Variants in SPTB observed in about 807,000 individuals in gnomAD.
SPTB encodes spectrin beta chain, erythrocytic.
SPTB carries 45 observed loss-of-function variants against 256.2 expected under a neutral mutation model. That is an observed-to-expected ratio of 0.18 (90% CI 0.14 to 0.23). SPTB has a LOEUF of 0.23. Ranked by LOEUF, SPTB falls within the 10% of genes least tolerant of loss-of-function variation. SPTB has a pLI of 1.00. For missense variants in SPTB, 2,715 were observed against 3,040.4 expected (o/e 0.89, Z 2.52); for synonymous variants, 1,231 against 1,243.1 (o/e 0.99, Z 0.21).
At chr14:64,843,578 C>T (rs142041455) in intron 1 of SPTB, among the ~76,000 whole-genome samples, 1 of 152,278 alleles carries the variant, frequency 6.6e-6, no homozygotes, top group African/African-American at 2.4e-5. Context: ...CCCTTAGTCT[C>T]CGGTAGTAGG....
In SPTB at chr14:64,749,688, T is replaced by G. The variant is rs752647946; in HGVS notation, c.6785A>C (p.Asn2262Thr). 1.9e-6 allele frequency: 3 copies of G among 1,613,794 alleles called. No individual in the cohort carries two copies. In the East Asian group the frequency reaches 6.7e-5, roughly 36 times the overall value. Residue 2262 changes from asparagine (N) to threonine (T), a missense_variant, in exon 35 of 36, where the codon AAT becomes ACT. This residue lies in a region of SPTB where 2,239 missense variants were observed against 2,384.4 expected (regional missense o/e 0.94). Coordinates refer to ENST00000644917, the MANE Select transcript of SPTB (RefSeq NM_001355436.2). This position sits in a 1 kb window ranked among gnomAD's most constrained non-coding sequence, Gnocchi z 4.7. ...KKHVFKLRLS[N>T]GSEWLFHGKD... ...GCCATGGAAGAGCCACTCGCTGCCA[T>G]TACTCAGCCTAGGAGGACAAAGGGT...
At chr14:64,822,625 C>T (rs1015727302) in intron 2 of SPTB, among the ~76,000 whole-genome samples, 3 of 152,076 alleles carry the variant, frequency 2.0e-5, no homozygotes, top group African/African-American at 4.8e-5. Context: ...AACCTGCGCC[C>T]GGCTGTCCAG....
chr14:64,872,976 T>G (rs946174950), intron 1 of SPTB, among the ~76,000 whole-genome samples: 1 of 152,314 alleles, frequency 6.6e-6, no homozygotes. Flanking sequence ...TATAAATTAC[T>G]CAGTCTCTGG....
Position 64,793,647 on chromosome 14 carries a change from C to T in SPTB, c.2016G>A (p.Val672=), listed in dbSNP as rs1452547686. Residue 672 remains valine (V), a synonymous_variant, in exon 14 of 36, where the codon GTG becomes GTA. Coordinates refer to ENST00000644917, the MANE Select transcript of SPTB (RefSeq NM_001355436.2). This position sits in a 1 kb window ranked among gnomAD's most constrained non-coding sequence, Gnocchi z 7.0. ...CCTTGTGCTTGCGCTGTAAGATGAG[C>T]ACACTGGTCAGGTCTTTGCCATAGT... is the stretch of plus-strand genomic sequence containing the variant. ...SLDYGKDLTS[V]LILQRKHKAF... 2 of 1,614,198 alleles carry T rather than the reference C, an allele frequency of 1.2e-6. No homozygotes were observed. Among genetic ancestry groups the T allele is most frequent in the African/African-American group, 1.3e-5 (1 of 75,066 alleles).
Position 64,782,526 on chromosome 14 carries a change from G to T in SPTB, c.4030C>A (p.Pro1344Thr). 6.2e-7 allele frequency: 1 copy of T among 1,614,014 alleles called. No individual in the cohort carries two copies. Among genetic ancestry groups the T allele is most frequent in the Non-Finnish European group, 8.5e-7 (1 of 1,180,036 alleles). The change falls in exon 20 of 36, where the codon CCC becomes ACC. Residue 1344 changes from proline to threonine, a missense_variant. This residue lies in a region of SPTB where 2,239 missense variants were observed against 2,384.4 expected (regional missense o/e 0.94). Coordinates refer to ENST00000644917, the MANE Select transcript of SPTB (RefSeq NM_001355436.2). ...AEGKQLMDEK[P>T]QFTALVSQKL... ...TGGGACACCAGGGCTGTAAACTGGGGCTTCTCATCCATCAGCTGCTTTCCT... is the reference window on the plus strand; with the variant it reads ...TGGGACACCAGGGCTGTAAACTGGGTCTTCTCATCCATCAGCTGCTTTCCT...
intron 2 of SPTB, among the ~76,000 whole-genome samples, chr14:64,811,294 T>C (rs990952097): frequency 6.6e-6 from 1 of 152,190 alleles, no homozygotes; most frequent in African/African-American, 2.4e-5. Flanking sequence ...TAAGCATCTC[T>C]TAAATGTATA....
chr14:64,784,272 T>C lies in SPTB; in HGVS notation c.3977A>G (p.Glu1326Gly). 1 of 1,614,246 alleles carries C rather than the reference T, an allele frequency of 6.2e-7. No homozygotes were observed. Among genetic ancestry groups the C allele is most frequent in the Non-Finnish European group, 8.5e-7 (1 of 1,180,052 alleles). ...QAFVAELASHEGWLENIDAEG... is the reference protein window; with the variant it reads ...QAFVAELASHGGWLENIDAEG... ...CGCATCGATGTTCTCTAGCCACCCTTCATGGGAAGCCAGCTCTGCCACAAA... is the reference window on the plus strand; with the variant it reads ...CGCATCGATGTTCTCTAGCCACCCTCCATGGGAAGCCAGCTCTGCCACAAA... Residue 1326 changes from glutamate to glycine, a missense_variant, in exon 19 of 36, where the codon GAA (glutamate) becomes GGA (glycine). By Grantham distance (98) the Glu-to-Gly change is moderately conservative (BLOSUM62 -2). This residue lies in a region of SPTB where 2,239 missense variants were observed against 2,384.4 expected (regional missense o/e 0.94). Coordinates refer to ENST00000644917, the MANE Select transcript of SPTB (RefSeq NM_001355436.2).
At position 64,840,735 on chromosome 14, in the gene SPTB, T is replaced by C. The variant is rs1432340488; in HGVS notation, c.-51-17590A>G. Among the ~76,000 whole-genome samples, 3 of 152,156 alleles carry C rather than the reference T, an allele frequency of 2.0e-5. No individual in the cohort carries two copies. The East Asian group carries it at 5.8e-4, about 29-fold the overall frequency. The stretch of plus-strand genomic sequence containing the variant: ...ACACACTTACTGAGCTCCTTACTTC[T>C]GGAGTCTGTCAATGTGATCAACACT... On this transcript the variant is annotated intron_variant, in intron 1 of 35. Transcript: ENST00000644917.
chr14:64,795,975 G>A lies in SPTB; in HGVS notation c.1342-336C>T, dbSNP rs1246355825. 6.6e-6 allele frequency among the ~76,000 whole-genome samples: 1 copy of A among 152,096 alleles called. No individual in the cohort carries two copies. Among genetic ancestry groups the A allele is most frequent in the Non-Finnish European group, 1.5e-5 (1 of 68,008 alleles). The stretch of plus-strand genomic sequence containing the variant: ...ACCTGTTGGATTTGGGGCAGGAAGG[G>A]GCTGCTTCTCACTCGGAAACCCATG... On this transcript the variant is annotated intron_variant, in intron 11 of 35. Transcript: ENST00000644917. The surrounding 1 kb of genome is among the most constrained non-coding windows in gnomAD (Gnocchi z 6.5).
rs765506008 is a variant in SPTB at position 64,793,670 on chromosome 14, A to G, written c.1993T>C (p.Tyr665His). ...EKEQIYSSLD[Y>H]GKDLTSVLIL... The stretch of plus-strand genomic sequence containing the variant: ...AGCACACTGGTCAGGTCTTTGCCAT[A>G]GTCCAGGGAAGAATAGATCTGCTCC... Residue 665 changes from tyrosine (Y) to histidine (H), a missense_variant, in exon 14 of 36, where the codon TAT (tyrosine) becomes CAT (histidine). Physicochemically the swap from Tyr to His is moderately conservative, Grantham distance 83 (BLOSUM62 2). This residue lies in a region of SPTB where 2,239 missense variants were observed against 2,384.4 expected (regional missense o/e 0.94). Coordinates refer to ENST00000644917, the MANE Select transcript of SPTB (RefSeq NM_001355436.2). The surrounding 1 kb of genome is among the most constrained non-coding windows in gnomAD (Gnocchi z 7.0). 9 of 1,614,046 alleles carry G rather than the reference A, an allele frequency of 5.6e-6. No homozygotes were observed. The highest frequency in any genetic ancestry group is 7.6e-6 in the Non-Finnish European group (9 of 1,180,054).
intron 1 of SPTB, among the ~76,000 whole-genome samples, chr14:64,843,229 A>T (rs747767359): frequency 6.6e-5 from 10 of 152,198 alleles, no homozygotes; most frequent in Non-Finnish European, 1.0e-4. Context: ...AATAGCCTAT[A>T]TTTTGTGCTT....
chr14:64,786,052 T>C lies in SPTB; in HGVS notation c.3562-101A>G. On this transcript the variant is annotated intron_variant, in intron 16 of 35. Transcript: ENST00000644917. The surrounding 1 kb of genome is among the most constrained non-coding windows in gnomAD (Gnocchi z 5.6). Reference sequence around the variant, plus strand: ...CCACGTGCAGCCACACAGGCCACGGTATGAATGAGCCCCCTAGAGTAGTAC... The same window carrying C: ...CCACGTGCAGCCACACAGGCCACGGCATGAATGAGCCCCCTAGAGTAGTAC... 1.7e-6 allele frequency: 2 copies of C among 1,206,486 alleles called. No individual in the cohort carries two copies. Among genetic ancestry groups the C allele is most frequent in the Non-Finnish European group, 2.4e-6 (2 of 823,894 alleles). 74.7% of individuals were successfully genotyped at this position (1,206,486 alleles called of 1,614,324 possible). A position where few individuals can be genotyped will look rare whatever the true frequency, so the allele number is the denominator to read the frequency against.
At chr14:64,818,037 T>C (rs1009350343) in intron 2 of SPTB, among the ~76,000 whole-genome samples, 4 of 152,174 alleles carry the variant, frequency 2.6e-5, no homozygotes, top group Non-Finnish European at 2.9e-5. Context: ...CAGCCTCATC[T>C]CACTTCCAGA....
At chr14:64,804,274 T>G (rs1464255018) in intron 3 of SPTB, among the ~76,000 whole-genome samples, 1 of 152,154 alleles carries the variant, frequency 6.6e-6, no homozygotes, top group Non-Finnish European at 1.5e-5. Flanking sequence ...CAATGCAGGG[T>G]GAGAGGCAGA....
chr14:64,798,168 G>A (rs575917589), intron 9 of SPTB, among the ~76,000 whole-genome samples: 1 of 152,222 alleles, frequency 6.6e-6, no homozygotes, highest in South Asian at 2.1e-4. Context: ...CAAGTTGTAC[G>A]GATCAATACA....
At chr14:64,875,778 G>C (rs1020221043) in intron 1 of SPTB, among the ~76,000 whole-genome samples, 1 of 152,164 alleles carries the variant, frequency 6.6e-6, no homozygotes, top group African/African-American at 2.4e-5. Context: ...TCAGAACCCA[G>C]TATCCATGAA....
chr14:64,868,677 C>G (rs1882339324), intron 1 of SPTB, among the ~76,000 whole-genome samples: 3 of 152,066 alleles, frequency 2.0e-5, no homozygotes, highest in Non-Finnish European at 4.4e-5. Flanking sequence ...TCACAGAAGC[C>G]CAGAGAGGGC....
rs944535505 is a variant in SPTB, at chr14:64,764,219, C to T, written c.6345+2507G>A. The stretch of plus-strand genomic sequence containing the variant: ...GTAGTTCCAGGCAGGCTGGAAGGAC[C>T]AGCCACTGGGCTTGCAAGGAGCCTT... On this transcript the variant is annotated intron_variant, in intron 32 of 35. Transcript: ENST00000644917. This position sits in a 1 kb window ranked among gnomAD's most constrained non-coding sequence, Gnocchi z 4.2. Among the ~76,000 whole-genome samples the T allele has an allele frequency of 6.6e-6, 1 of 152,244 alleles. No homozygotes were observed. Among genetic ancestry groups the T allele is most frequent in the Non-Finnish European group, 1.5e-5 (1 of 68,046 alleles).
intron 2 of SPTB, among the ~76,000 whole-genome samples, chr14:64,808,202 C>T (rs747753357): frequency 7.2e-5 from 11 of 152,132 alleles, no homozygotes; most frequent in Non-Finnish European, 1.6e-4. Context: ...TTAGTACAGA[C>T]GGGGTTTCAC....
Sources: allele counts gnomAD v4.1 joint callset (sites outside exome capture counted in the v4.1 genomes callset), GRCh38; gene constraint gnomAD v4.1.1; regional missense constraint gnomAD v4.1.1; non-coding constraint Gnocchi (gnomAD v3.1); transcripts MANE v1.5; gene names NCBI Gene and HGNC (gene_info 2026-07-23, HGNC 2026-07-21).